Variants in IPCEF1 observed in about 807,000 individuals in gnomAD.
IPCEF1 encodes interaction protein for cytohesin exchange factors 1, also known as interactor protein for cytohesin exchange factors 1.
Under a neutral mutation model 50.9 loss-of-function variants are expected in IPCEF1, and 31 were observed. The ratio of observed to expected loss-of-function variants is 0.61; its 90% CI spans 0.46 to 0.82. The LOEUF is 0.82. IPCEF1 is among the 40% of genes least tolerant of loss of function. The pLI is 0.00. For missense variants in IPCEF1, 458 were observed against 514.0 expected, an observed-to-expected ratio of 0.89 and a Z score of 1.05; for synonymous variants, 181 against 192.0, an observed-to-expected ratio of 0.94 and a Z score of 0.47.
chr6:154,319,010 T>C (rs768787038), intron 1 of IPCEF1, among the ~76,000 whole-genome samples: 6 of 152,220 alleles, frequency 3.9e-5, no homozygotes, highest in Non-Finnish European at 8.8e-5. Flanking sequence ...TATGATTCCA[T>C]AGTAATTTTT....
At chr6:154,260,812 G>A (rs1359545117) in intron 3 of IPCEF1, among the ~76,000 whole-genome samples, 2 of 152,020 alleles carry the variant, frequency 1.3e-5, no homozygotes, top group Admixed American at 6.6e-5. Flanking sequence ...ATTCATATAT[G>A]CTAGTATTAT....
chr6:154,267,295 T>A (rs1781781068), intron 2 of IPCEF1, among the ~76,000 whole-genome samples: 1 of 151,602 alleles, frequency 6.6e-6, no homozygotes, highest in South Asian at 2.1e-4. Context: ...AAAGGAAAAT[T>A]GAAAAAATAA....
At position 154,270,278 on chromosome 6, in the gene IPCEF1, G is replaced by C. The variant is rs528151326; in HGVS notation, c.-17-4314C>G. Reference sequence around the variant, plus strand: ...TCTATGGATTATGAAAGTAACTGTTGTGATAAATCATCATGAGATATTTGG... The same window carrying C: ...TCTATGGATTATGAAAGTAACTGTTCTGATAAATCATCATGAGATATTTGG... On this transcript the variant is annotated intron_variant, in intron 2 of 11. Transcript: ENST00000367220. 4.6e-4 allele frequency among the ~76,000 whole-genome samples: 70 copies of C among 152,302 alleles called. 2 individuals carry two copies. The South Asian group carries it at 8.7e-3, about 19-fold the overall frequency.
intron 1 of IPCEF1, among the ~76,000 whole-genome samples, chr6:154,352,146 G>C (rs1352897863): frequency 6.7e-6 from 1 of 148,750 alleles, no homozygotes; most frequent in Non-Finnish European, 1.5e-5. Flanking sequence ...AGTAAAAGTT[G>C]AAGAAAAAAA....
intron 11 of IPCEF1, among the ~76,000 whole-genome samples, chr6:154,167,509 T>C (rs1373499040): frequency 1.3e-5 from 2 of 152,192 alleles, no homozygotes; most frequent in Non-Finnish European, 2.9e-5. Flanking sequence ...TACCCTTGTA[T>C]GAATCAGATG....
intron 10 of IPCEF1, among the ~76,000 whole-genome samples, chr6:154,188,758 T>C (rs558678849): frequency 5.3e-5 from 8 of 152,328 alleles, no homozygotes; most frequent in African/African-American, 1.9e-4. Flanking sequence ...ATGTGGATGT[T>C]TGGGAGAAAA....
At chr6:154,207,677 C>T (rs1208481722) in intron 9 of IPCEF1, among the ~76,000 whole-genome samples, 2 of 152,132 alleles carry the variant, frequency 1.3e-5, no homozygotes, top group African/African-American at 4.8e-5. Flanking sequence ...ACTTTGACTT[C>T]CTCCTCTGTC....
intron 9 of IPCEF1, among the ~76,000 whole-genome samples, chr6:154,202,519 C>A (rs778638967): frequency 6.6e-6 from 1 of 152,134 alleles, no homozygotes; most frequent in East Asian, 1.9e-4. Context: ...TAGTAAAATT[C>A]AACTTCTATG....
chr6:154,230,718 GT>G (rs1457253276), intron 5 of IPCEF1, among the ~76,000 whole-genome samples: 1 of 152,106 alleles, frequency 6.6e-6, no homozygotes, highest in Non-Finnish European at 1.5e-5. Context: ...TGAAACCATA[GT>G]TCCTTAATTC....
chr6:154,264,449 T>C (rs1310921058), intron 3 of IPCEF1, among the ~76,000 whole-genome samples: 1 of 152,126 alleles, frequency 6.6e-6, no homozygotes, highest in Non-Finnish European at 1.5e-5. Flanking sequence ...CTCAGCTCAC[T>C]GCAACCTCTA....
intron 1 of IPCEF1, among the ~76,000 whole-genome samples, chr6:154,355,955 C>T (rs1370836145): frequency 3.3e-5 from 5 of 151,878 alleles, no homozygotes; most frequent in South Asian, 4.2e-4. Flanking sequence ...GCCCAGCCCT[C>T]GGTTTCAATT....
chr6:154,211,112 G>A (rs1777921843), intron 9 of IPCEF1, among the ~76,000 whole-genome samples: 1 of 152,144 alleles, frequency 6.6e-6, no homozygotes, highest in South Asian at 2.1e-4. Flanking sequence ...AGGTGTCATG[G>A]TTCAGTAGAA....
At chr6:154,352,476 A>G (rs1030647002) in intron 1 of IPCEF1, among the ~76,000 whole-genome samples, 3 of 152,152 alleles carry the variant, frequency 2.0e-5, no homozygotes, top group Non-Finnish European at 4.4e-5. Context: ...TCCACATTCT[A>G]GTAACTTTGG....
intron 1 of IPCEF1, among the ~76,000 whole-genome samples, chr6:154,334,445 GAA>G (rs995245658): frequency 2.6e-5 from 4 of 151,268 alleles, no homozygotes; most frequent in Middle Eastern, 3.4e-3. Context: ...ACTCTATAAA[GAA>G]AGCCTAACTA....
At chr6:154,234,524 C>T (rs769555198) in intron 5 of IPCEF1, among the ~76,000 whole-genome samples, 3 of 152,216 alleles carry the variant, frequency 2.0e-5, no homozygotes, top group East Asian at 3.8e-4. Context: ...CCATGAACAG[C>T]CCAACTGCTC....
At chr6:154,255,869 C>T (rs1781448183) in intron 3 of IPCEF1, among the ~76,000 whole-genome samples, 1 of 151,946 alleles carries the variant, frequency 6.6e-6, no homozygotes, top group East Asian at 1.9e-4. Flanking sequence ...TTTTAAAAAC[C>T]AACTGATACT....
chr6:154,194,743 C>A (rs1458015249), intron 10 of IPCEF1, among the ~76,000 whole-genome samples: 2 of 152,140 alleles, frequency 1.3e-5, no homozygotes, highest in East Asian at 3.9e-4. Context: ...TTAAATCACA[C>A]AAATCTGCAG....
In IPCEF1 at chr6:154,331,391, GAA is replaced by G. The variant is rs879473960; in HGVS notation, c.-62+25279_-62+25280del. ...GAAAGGAAAGAAAGAAAGAAAGAAAGAAAGAAAGAAAGAAAGAGAGAGAAAAA... is the reference window on the plus strand; with the variant it reads ...GAAAGGAAAGAAAGAAAGAAAGAAAGAGAAAGAAAGAAAGAGAGAGAAAAA... On this transcript the variant is annotated intron_variant, in intron 1 of 11. Transcript: ENST00000367220. Among the ~76,000 whole-genome samples the G allele has an allele frequency of 2.3e-3, 300 of 130,952 alleles. 2 individuals are homozygous for G. The highest frequency in any genetic ancestry group is 4.8e-3 in the African/African-American group (174 of 36,080). 85.9% of individuals were successfully genotyped at this position (130,952 alleles called of 152,430 possible).
At chr6:154,213,807 G>A (rs907566428) in intron 8 of IPCEF1, among the ~76,000 whole-genome samples, 1 of 152,108 alleles carries the variant, frequency 6.6e-6, no homozygotes, top group Non-Finnish European at 1.5e-5. Context: ...ACAATCTTAG[G>A]GTAATTAGCC....
Sources: gnomAD v4.1 joint callset for allele counts (sites outside exome capture counted in the v4.1 genomes callset) on GRCh38, gnomAD v4.1.1 for gene constraint, MANE v1.5 for transcripts, NCBI Gene and HGNC (gene_info 2026-07-23, HGNC 2026-07-21) for gene names.